ANKS1B: variants seen among roughly 807,000 people sequenced by gnomAD.
ANKS1B encodes ankyrin repeat and sterile alpha motif domain containing 1B.
Under a neutral mutation model 148.3 loss-of-function variants are expected in ANKS1B, and 36 were observed. The observed-to-expected ratio is 0.24, with a 90% confidence interval of 0.19 to 0.32. The LOEUF is 0.32. Among genes scored for constraint, ANKS1B ranks in the 10% least tolerant of loss-of-function variants. The probability of loss-of-function intolerance (pLI) is 1.00; values close to 1 mark genes in which losing one functional copy is unlikely to be tolerated. For synonymous variants in ANKS1B, 542 were observed against 560.8 expected, an observed-to-expected ratio of 0.97 and a Z score of 0.47; for missense variants, 1,157 against 1,542.6, an observed-to-expected ratio of 0.75 and a Z score of 4.19.
At chr12:99,160,628 A>G (rs943268348) in intron 14 of ANKS1B, among the ~76,000 whole-genome samples, 1 of 151,840 alleles carries the variant, frequency 6.6e-6, no homozygotes, top group Non-Finnish European at 1.5e-5. Context: ...GATTACAGGC[A>G]TGAGCCACCA....
chr12:99,613,557 A>G (rs777125512), intron 9 of ANKS1B, among the ~76,000 whole-genome samples: 2 of 152,098 alleles, frequency 1.3e-5, no homozygotes, highest in Non-Finnish European at 2.9e-5. Context: ...TTTCAGGGAC[A>G]TGGATGGAGG....
intron 12 of ANKS1B, among the ~76,000 whole-genome samples, chr12:99,362,392 A>G (rs1238957647): frequency 6.6e-6 from 1 of 152,092 alleles, no homozygotes; most frequent in East Asian, 1.9e-4. Flanking sequence ...TACTTTATAG[A>G]TAAGGCAACT....
chr12:99,197,813 C>T (rs2081563566), intron 14 of ANKS1B, among the ~76,000 whole-genome samples: 1 of 152,108 alleles, frequency 6.6e-6, no homozygotes. Context: ...TTAGCTCAAT[C>T]AGACTTTTGT....
chr12:99,429,701 C>T (rs1455457242), intron 11 of ANKS1B, among the ~76,000 whole-genome samples: 9 of 152,334 alleles, frequency 5.9e-5, no homozygotes, highest in East Asian at 3.9e-4. Flanking sequence ...CGGTGGCTCA[C>T]GCCTGTAATC....
intron 8 of ANKS1B, among the ~76,000 whole-genome samples, chr12:99,699,150 G>GC (rs1244073593): frequency 3.9e-5 from 6 of 152,086 alleles, no homozygotes; most frequent in Non-Finnish European, 5.9e-5. Flanking sequence ...ACATTTCATT[G>GC]CCCCCCTGCC....
chr12:99,653,820 C>T (rs1032873137), intron 9 of ANKS1B, among the ~76,000 whole-genome samples: 12 of 151,866 alleles, frequency 7.9e-5, no homozygotes, highest in African/African-American at 2.4e-4. Context: ...TGTACTACCA[C>T]ACCTGGCTTA....
chr12:99,590,273 C>CACACAT (rs2097689332), intron 9 of ANKS1B, among the ~76,000 whole-genome samples: 1 of 151,182 alleles, frequency 6.6e-6, no homozygotes, highest in South Asian at 2.1e-4. Flanking sequence ...CACACACACA[C>CACACAT]ACACACACAC....
intron 17 of ANKS1B, among the ~76,000 whole-genome samples, chr12:98,905,409 A>C (rs996612286): frequency 6.6e-6 from 1 of 152,154 alleles, no homozygotes; most frequent in Admixed American, 6.5e-5. Flanking sequence ...GACTCCAAGG[A>C]AAAAAGGAAT....
intron 22 of ANKS1B, among the ~76,000 whole-genome samples, chr12:98,790,106 T>C (rs1287951472): frequency 6.6e-6 from 1 of 152,192 alleles, no homozygotes; most frequent in African/African-American, 2.4e-5. Context: ...ATGTATGATT[T>C]TAATTAAAAA....
intron 12 of ANKS1B, among the ~76,000 whole-genome samples, chr12:99,395,612 A>C (rs1470956120): frequency 6.6e-6 from 1 of 152,154 alleles, no homozygotes; most frequent in Admixed American, 6.5e-5. Flanking sequence ...AATCTACTAC[A>C]TATTAATACT....
chr12:99,085,884 G>A (rs1212401741), intron 15 of ANKS1B, among the ~76,000 whole-genome samples: 1 of 152,122 alleles, frequency 6.6e-6, no homozygotes, highest in Non-Finnish European at 1.5e-5. Flanking sequence ...GGAGGAGGGA[G>A]AGGATCAGGA....
At position 99,438,680 on chromosome 12, in the gene ANKS1B, T is replaced by C. The variant is rs2152776218; in HGVS notation, c.1575+4993A>G. Among the ~76,000 whole-genome samples, 3 of 152,006 alleles carry C rather than the reference T, an allele frequency of 2.0e-5. 1 individual carries two copies. In the Middle Eastern group the frequency reaches 0.01, roughly 517 times the overall value. ...ATAAAACATTATAGCCAAGTGTTAC[T>C]TATATTAGCATCCAAAGTAAAACAA... On this transcript the variant is annotated intron_variant, in intron 11 of 26. Coordinates refer to ENST00000683438, the MANE Select transcript of ANKS1B (RefSeq NM_001352186.2).
At chr12:99,154,560 A>G in intron 14 of ANKS1B, 165 bp from the exon 15 acceptor site, 1 of 1,543,448 alleles carries the variant, frequency 6.5e-7, no homozygotes, top group Admixed American at 2.0e-5. Flanking sequence ...GCGAGAGAGC[A>G]AAGTCAGAAG....
intron 11 of ANKS1B, among the ~76,000 whole-genome samples, chr12:99,411,994 AATAAG>A (rs1190095810): frequency 2.0e-5 from 3 of 152,366 alleles, no homozygotes; most frequent in East Asian, 3.9e-4. Flanking sequence ...TCAATGAACA[AATAAG>A]ATAAGGCACA....
chr12:98,746,072 C>T (rs2153367378), intron 26 of ANKS1B, among the ~76,000 whole-genome samples: 1 of 152,318 alleles, frequency 6.6e-6, no homozygotes, highest in Admixed American at 6.5e-5. Context: ...CAGCCCTTGC[C>T]CTTGTGAGCA....
At chr12:99,027,770 C>G (rs1051932998) in intron 17 of ANKS1B, among the ~76,000 whole-genome samples, 1 of 152,228 alleles carries the variant, frequency 6.6e-6, no homozygotes, top group Non-Finnish European at 1.5e-5. Context: ...CTTCTCTGAA[C>G]TGCAGTTTCC....
chr12:99,149,943 C>T (rs1345940911), intron 15 of ANKS1B, among the ~76,000 whole-genome samples: 2 of 152,080 alleles, frequency 1.3e-5, no homozygotes, highest in African/African-American at 4.8e-5. Flanking sequence ...CATGAAGAAA[C>T]GTGTGTATGT....
intron 12 of ANKS1B, among the ~76,000 whole-genome samples, chr12:99,271,237 T>C (rs2077005178): frequency 6.6e-6 from 1 of 152,200 alleles, no homozygotes; most frequent in Non-Finnish European, 1.5e-5. Context: ...GGTTGGCTGC[T>C]TTCTCCCTGT....
At chr12:99,321,268 G>A (rs1371146089) in intron 12 of ANKS1B, among the ~76,000 whole-genome samples, 1 of 152,226 alleles carries the variant, frequency 6.6e-6, no homozygotes, top group Non-Finnish European at 1.5e-5. Context: ...AGAAGTTTCT[G>A]CTGCCTTTTG....
Sources: gnomAD v4.1 joint callset for allele counts (sites outside exome capture counted in the v4.1 genomes callset) on GRCh38, gnomAD v4.1.1 for gene constraint, MANE v1.5 for transcripts, NCBI Gene and HGNC (gene_info 2026-07-23, HGNC 2026-07-21) for gene names.